The following MYO3B variants were observed in gnomAD, a reference collection of about 807,000 sequenced individuals.
MYO3B encodes the protein myosin-IIIb.
Under a neutral mutation model 174.6 loss-of-function variants are expected in MYO3B, and 156 were observed. The observed-to-expected ratio is 0.89, with a 90% CI of 0.78 to 1.02. The LOEUF is 1.02. Ranked by LOEUF, MYO3B falls within the 50% of genes least tolerant of loss-of-function variation. MYO3B has a pLI of 0.00. For missense variants in MYO3B, 1,632 were observed against 1,639.4 expected (o/e 1.00, Z 0.08); for synonymous variants, 563 against 569.1 (o/e 0.99, Z 0.15).
In MYO3B at chr2:170,654,295, A is replaced by G. The variant is rs1699170391; in HGVS notation, c.*1174A>G. The G allele has an allele frequency of 6.6e-6, 1 of 152,156 alleles. No homozygotes were observed. Among genetic ancestry groups the G allele is most frequent in the African/African-American group, 2.4e-5 (1 of 41,434 alleles). 9.4% of individuals were successfully genotyped at this position (152,156 alleles called of 1,614,324 possible). On this transcript the variant is annotated 3_prime_UTR_variant, in exon 35 of 35. Transcript: ENST00000408978. ...AGAAGCCCTATAAGACCATTTCTCT[A>G]GAACAGATGTTCTTAATATTTTTCT...
intron 25 of MYO3B, among the ~76,000 whole-genome samples, chr2:170,487,451 A>G (rs1686140551): frequency 6.6e-6 from 1 of 152,208 alleles, no homozygotes; most frequent in Admixed American, 6.5e-5. Context: ...ACATCAGTAG[A>G]TCCTACGTCA....
chr2:170,471,143 C>T (rs75287242), intron 25 of MYO3B, among the ~76,000 whole-genome samples: 7,856 of 152,024 alleles, frequency 0.052, 544 homozygotes, highest in African/African-American at 0.15. Context: ...CTCCGCCTCC[C>T]GGGTTCAAGC....
At chr2:170,299,805 G>A (rs1458307679) in intron 7 of MYO3B, among the ~76,000 whole-genome samples, 1 of 152,162 alleles carries the variant, frequency 6.6e-6, no homozygotes, top group Non-Finnish European at 1.5e-5. Context: ...TTTCATCGTG[G>A]GCAAGGGCAG....
chr2:170,506,909 A>C (rs1687652087), intron 28 of MYO3B, among the ~76,000 whole-genome samples: 1 of 152,242 alleles, frequency 6.6e-6, no homozygotes, highest in African/African-American at 2.4e-5. Flanking sequence ...AAGGAAAACA[A>C]GCATGCCCTC....
At chr2:170,521,724 T>TA (rs200969974) in intron 30 of MYO3B, among the ~76,000 whole-genome samples, 2,160 of 151,926 alleles carry the variant, frequency 0.014, 54 homozygotes, top group African/African-American at 0.049. Flanking sequence ...CCCCCCATAC[T>TA]AAAAAAAAGC....
At position 170,653,396 on chromosome 2, in the gene MYO3B, C is replaced by T; in HGVS notation, c.*275C>T. The T allele has an allele frequency of 4.8e-6, 2 of 416,598 alleles. No homozygotes were observed. Among genetic ancestry groups the T allele is most frequent in the South Asian group, 1.0e-4 (2 of 19,594 alleles). The allele number at this position is 416,598 out of a possible 1,614,324, so 25.8% of individuals were successfully genotyped here. A position where few individuals can be genotyped will look rare whatever the true frequency, so the allele number is the denominator to read the frequency against. Reference sequence around the variant, plus strand: ...GAGAACACCTTTACAATAGTTTAAACAGTCATTCATGCCCCCAGTGTCTAG... The same window carrying T: ...GAGAACACCTTTACAATAGTTTAAATAGTCATTCATGCCCCCAGTGTCTAG... On this transcript the variant is annotated 3_prime_UTR_variant, in exon 35 of 35. Coordinates refer to ENST00000408978, the MANE Select transcript of MYO3B (RefSeq NM_138995.5).
At chr2:170,383,445 C>G (rs1270980924) in intron 11 of MYO3B, among the ~76,000 whole-genome samples, 1 of 152,166 alleles carries the variant, frequency 6.6e-6, no homozygotes, top group Non-Finnish European at 1.5e-5. Flanking sequence ...CTTTTTCACA[C>G]CCTGTGGGAC....
At chr2:170,595,876 A>G (rs1328598410) in intron 32 of MYO3B, among the ~76,000 whole-genome samples, 1 of 152,136 alleles carries the variant, frequency 6.6e-6, no homozygotes, top group East Asian at 1.9e-4. Flanking sequence ...TAACTAATGA[A>G]TGAGGCTTCT....
At chr2:170,599,981 A>G (rs1402799606) in intron 32 of MYO3B, among the ~76,000 whole-genome samples, 1 of 152,192 alleles carries the variant, frequency 6.6e-6, no homozygotes, top group Non-Finnish European at 1.5e-5. Context: ...TAAGTCAGCC[A>G]TAATTGTTGA....
intron 32 of MYO3B, among the ~76,000 whole-genome samples, chr2:170,624,867 T>C (rs1484148494): frequency 6.6e-6 from 1 of 152,178 alleles, no homozygotes; most frequent in African/African-American, 2.4e-5. Context: ...ATGGATTAAG[T>C]TTATTGATTT....
chr2:170,443,824 G>A (rs2094820318), intron 22 of MYO3B, 143 bp from the exon 23 acceptor site: 1 of 358,392 alleles, frequency 2.8e-6, no homozygotes, highest in Non-Finnish European at 5.0e-6. Context: ...TCATCAAAGT[G>A]TCAAAATTTT....
chr2:170,554,508 C>T (rs1228343531), intron 32 of MYO3B, among the ~76,000 whole-genome samples: 2 of 152,186 alleles, frequency 1.3e-5, no homozygotes, highest in African/African-American at 4.8e-5. Context: ...ATACAAGCCG[C>T]AGAGGTCACA....
intron 3 of MYO3B, among the ~76,000 whole-genome samples, chr2:170,207,677 A>AC (rs1485431665): frequency 7.6e-6 from 1 of 132,326 alleles, no homozygotes; most frequent in Non-Finnish European, 1.5e-5. Context: ...AAAAAAAAAA[A>AC]GGCTTTTTTT....
At chr2:170,406,503 G>A (rs1381422448) in intron 21 of MYO3B, among the ~76,000 whole-genome samples, 1 of 152,032 alleles carries the variant, frequency 6.6e-6, no homozygotes, top group Admixed American at 6.6e-5. Flanking sequence ...GTTAGACATT[G>A]CAATTCAGTT....
At chr2:170,567,318 A>G (rs1692131596) in intron 32 of MYO3B, among the ~76,000 whole-genome samples, 1 of 152,196 alleles carries the variant, frequency 6.6e-6, no homozygotes, top group African/African-American at 2.4e-5. Flanking sequence ...GGATTTCAAT[A>G]AGATTTTTGT....
chr2:170,374,174 A>T (rs71415211), intron 9 of MYO3B, among the ~76,000 whole-genome samples: 1 of 152,152 alleles, frequency 6.6e-6, no homozygotes, highest in Admixed American at 6.5e-5. Flanking sequence ...AGCAGACATT[A>T]TGGTCTTCTT....
At chr2:170,358,028 T>G (rs1323403448) in intron 8 of MYO3B, among the ~76,000 whole-genome samples, 2 of 151,874 alleles carry the variant, frequency 1.3e-5, no homozygotes, top group Non-Finnish European at 2.9e-5. Context: ...GGGGAGCGCC[T>G]GTAATCCCAG....
intron 30 of MYO3B, among the ~76,000 whole-genome samples, chr2:170,540,256 C>T (rs1003473335): frequency 1.3e-5 from 2 of 151,730 alleles, no homozygotes; most frequent in East Asian, 1.9e-4. Flanking sequence ...CCCAGGAGTT[C>T]GAGGCTGCAG....
intron 7 of MYO3B, among the ~76,000 whole-genome samples, chr2:170,266,687 T>C (rs2105360833): frequency 6.6e-6 from 1 of 152,336 alleles, no homozygotes; most frequent in Admixed American, 6.5e-5. Context: ...TACCTCTTAG[T>C]TCACGACAGA....
Sources: allele counts gnomAD v4.1 joint callset (sites outside exome capture counted in the v4.1 genomes callset), GRCh38; gene constraint gnomAD v4.1.1; transcripts MANE v1.5; gene names NCBI Gene and HGNC (gene_info 2026-07-23, HGNC 2026-07-21).